Variants in SUMF1 observed in about 807,000 individuals in gnomAD.
SUMF1 encodes formylglycine-generating enzyme.
Under a neutral mutation model 47.6 loss-of-function variants are expected in SUMF1, and 48 were observed. The ratio of observed to expected loss-of-function variants is 1.01; its 90% CI spans 0.80 to 1.28. SUMF1 has a LOEUF of 1.28. SUMF1 is among the 50% of genes most tolerant of loss of function. The pLI is 0.00. For missense variants in SUMF1, 571 were observed against 485.4 expected, an observed-to-expected ratio of 1.18 and a Z score of -1.66; for synonymous variants, 230 against 192.1, an observed-to-expected ratio of 1.20 and a Z score of -1.63.
At chr3:4,212,094 T>C (rs1002045767) in intron 8 of SUMF1, among the ~76,000 whole-genome samples, 9 of 152,124 alleles carry the variant, frequency 5.9e-5, no homozygotes, top group Admixed American at 2.0e-4. Flanking sequence ...GGTCAGATTG[T>C]CTCTTCAAGT....
chr3:4,274,335 G>T (rs1042035669), intron 8 of SUMF1, among the ~76,000 whole-genome samples: 1 of 152,090 alleles, frequency 6.6e-6, no homozygotes, highest in Non-Finnish European at 1.5e-5. Context: ...AGGGAGAAGT[G>T]AGGATGGGGA....
intron 8 of SUMF1, among the ~76,000 whole-genome samples, chr3:4,116,110 C>T (rs1008747473): frequency 6.6e-6 from 1 of 152,076 alleles, no homozygotes; most frequent in African/African-American, 2.4e-5. Flanking sequence ...TGAGGTAGAT[C>T]AGGCCACAGT....
At chr3:4,239,049 TG>T (rs1262748012) in intron 8 of SUMF1, among the ~76,000 whole-genome samples, 2 of 152,166 alleles carry the variant, frequency 1.3e-5, no homozygotes, top group African/African-American at 2.4e-5. Context: ...CCCTATTGCT[TG>T]TTTTTGCCAG....
intron 8 of SUMF1, among the ~76,000 whole-genome samples, chr3:4,164,988 T>G: frequency 6.6e-6 from 1 of 152,114 alleles, no homozygotes; most frequent in Middle Eastern, 3.2e-3. Context: ...TCCTTAGTCC[T>G]TCTAGAACAC....
At chr3:4,039,450 C>T in intron 9 of SUMF1, among the ~76,000 whole-genome samples, 1 of 108,068 alleles carries the variant, frequency 9.3e-6, no homozygotes, top group Non-Finnish European at 1.8e-5. Context: ...TCAATTCCCA[C>T]CTATGAGTGA....
intron 8 of SUMF1, among the ~76,000 whole-genome samples, chr3:4,197,616 C>G (rs1695456904): frequency 2.0e-5 from 3 of 152,030 alleles, no homozygotes; most frequent in South Asian, 2.1e-4. Context: ...AGTTGGTCCC[C>G]CAAGGAATGG....
At chr3:4,335,654 G>T (rs1249780448) in intron 8 of SUMF1, among the ~76,000 whole-genome samples, 2 of 152,004 alleles carry the variant, frequency 1.3e-5, no homozygotes, top group East Asian at 3.9e-4. Flanking sequence ...AATAAAAATA[G>T]CCCCAGCTGG....
chr3:4,316,096 G>T, intron 8 of SUMF1: 1 of 513,190 alleles, frequency 1.9e-6, no homozygotes, highest in Non-Finnish European at 3.5e-6. Flanking sequence ...GTTGGAATTT[G>T]GTATTTGATA....
chr3:4,455,758 CCCAGAA>C (rs1318455358), intron 1 of SUMF1, among the ~76,000 whole-genome samples: 1 of 151,974 alleles, frequency 6.6e-6, no homozygotes, highest in Non-Finnish European at 1.5e-5. Flanking sequence ...TCAAGAAAAG[CCCAGAA>C]CCAGATGGCT....
At chr3:4,439,011 G>A (rs1000944436) in intron 3 of SUMF1, among the ~76,000 whole-genome samples, 3 of 152,044 alleles carry the variant, frequency 2.0e-5, no homozygotes, top group Non-Finnish European at 2.9e-5. Flanking sequence ...ATAGCTGCAC[G>A]CTAAAAAGTA....
Position 4,152,352 on chromosome 3 carries a change from A to G in SUMF1, c.1015-83607T>C, listed in dbSNP as rs1190044405. ...GCCCAAGCTGGAGAGCAGTGGTGCA[A>G]TCTCAGCTCACTGCAACCTCCACCT... On this transcript the variant is annotated intron_variant and NMD_transcript_variant, in intron 8 of 12. Coordinates refer to the SUMF1 transcript ENST00000448413. Among the ~76,000 whole-genome samples, 6 of 151,494 alleles carry G rather than the reference A, an allele frequency of 4.0e-5. 1 individual carries two copies. The highest frequency in any genetic ancestry group is 1.5e-4 in the African/African-American group (6 of 40,804).
intron 9 of SUMF1, among the ~76,000 whole-genome samples, chr3:4,039,471 T>C (rs1349905479): frequency 1.8e-4 from 21 of 117,576 alleles, no homozygotes; most frequent in South Asian, 3.2e-4. Context: ...GAATATGCGG[T>C]GTTTGGTTTT....
chr3:4,250,177 G>A (rs182806470), intron 8 of SUMF1, among the ~76,000 whole-genome samples: 31 of 151,240 alleles, frequency 2.0e-4, no homozygotes, highest in Admixed American at 3.3e-4. Flanking sequence ...GACAAGAAAC[G>A]GAGGGGGAAG....
intron 3 of SUMF1, among the ~76,000 whole-genome samples, chr3:4,437,674 C>T (rs1702445410): frequency 6.6e-6 from 1 of 152,132 alleles, no homozygotes. Context: ...CACGGTGGCT[C>T]ACACCTGTAA....
intron 8 of SUMF1, among the ~76,000 whole-genome samples, chr3:4,254,997 T>C (rs1323874417): frequency 5.3e-5 from 8 of 151,664 alleles, no homozygotes; most frequent in Admixed American, 1.3e-4. Flanking sequence ...ACCCAGAATT[T>C]CATATCCAGC....
chr3:4,448,569 T>G (rs904349015), intron 3 of SUMF1, among the ~76,000 whole-genome samples: 1 of 152,176 alleles, frequency 6.6e-6, no homozygotes, highest in Non-Finnish European at 1.5e-5. Context: ...TGTTCTTATA[T>G]TTTCAAGAGA....
intron 8 of SUMF1, among the ~76,000 whole-genome samples, chr3:4,121,021 G>A (rs1414251650): frequency 6.6e-6 from 1 of 152,120 alleles, no homozygotes; most frequent in African/African-American, 2.4e-5. Context: ...TGAACTAGAA[G>A]AAGAACTTAC....
intron 8 of SUMF1, among the ~76,000 whole-genome samples, chr3:4,210,413 G>A (rs763225307): frequency 6.6e-5 from 10 of 151,980 alleles, no homozygotes; most frequent in Non-Finnish European, 8.8e-5. Context: ...CAATAACTAA[G>A]GCAATGTGGT....
intron 8 of SUMF1, among the ~76,000 whole-genome samples, chr3:4,244,174 C>G (rs947576652): frequency 6.6e-6 from 1 of 152,096 alleles, no homozygotes; most frequent in African/African-American, 2.4e-5. Flanking sequence ...TGAGATGGGT[C>G]TCCTGAATAC....
Sources: allele counts gnomAD v4.1 joint callset (sites outside exome capture counted in the v4.1 genomes callset), GRCh38; gene constraint gnomAD v4.1.1; transcripts MANE v1.5; gene names NCBI Gene and HGNC (gene_info 2026-07-23, HGNC 2026-07-21).